HTT: variants seen among roughly 807,000 people sequenced by gnomAD.
The protein encoded by HTT is huntington disease protein.
In HTT, 104 loss-of-function variants were observed where a neutral mutation model predicts 362.3. That is an observed-to-expected ratio of 0.29 (90% confidence interval 0.24 to 0.34). HTT has a LOEUF of 0.34. Among genes scored for constraint, HTT ranks in the 10% least tolerant of loss-of-function variants. The pLI, the probability that HTT is intolerant of heterozygous loss-of-function variation, is 1.00. For synonymous variants in HTT, 1,577 were observed against 1,548.7 expected, an observed-to-expected ratio of 1.02 and a Z score of -0.43; for missense variants, 3,301 against 3,928.6, an observed-to-expected ratio of 0.84 and a Z score of 4.27.
chr4:3,137,423 C>T (rs1390574246), intron 21 of HTT, among the ~76,000 whole-genome samples: 3 of 151,978 alleles, frequency 2.0e-5, no homozygotes, highest in Non-Finnish European at 4.4e-5. Context: ...TTTGTGTTTT[C>T]GCCAGGCGCT....
chr4:3,172,188 CT>C, intron 29 of HTT, 131 bp from the exon 30 acceptor site: 1 of 675,844 alleles, frequency 1.5e-6, no homozygotes, highest in Non-Finnish European at 2.7e-6. Context: ...AAATTGAAAA[CT>C]TTCCTCTGAT....
At chr4:3,089,690 C>A (rs1223341597) in intron 2 of HTT, among the ~76,000 whole-genome samples, 4 of 152,196 alleles carry the variant, frequency 2.6e-5, no homozygotes, top group Non-Finnish European at 5.9e-5. Context: ...AGATCTCTTT[C>A]AATCTGAGTG....
chr4:3,147,400 G>A (rs3025845), intron 25 of HTT, among the ~76,000 whole-genome samples: 2,380 of 152,220 alleles, frequency 0.016, 65 homozygotes, highest in African/African-American at 0.055. Flanking sequence ...AGCACAACAC[G>A]GAGAGGGTGT....
At chr4:3,118,364 A>C (rs2110174626) in intron 8 of HTT, among the ~76,000 whole-genome samples, 1 of 152,340 alleles carries the variant, frequency 6.6e-6, no homozygotes, top group East Asian at 1.9e-4. Flanking sequence ...AAAGCAAATA[A>C]TTACTAAACC....
At position 3,154,307 on chromosome 4, in the gene HTT, T is replaced by C. The variant is rs1717041319; in HGVS notation, c.3513T>C (p.Ser1171=). 1 of 1,595,246 alleles carries C rather than the reference T, an allele frequency of 6.3e-7. No homozygotes were observed. Among genetic ancestry groups the C allele is most frequent in the Non-Finnish European group, 8.5e-7 (1 of 1,170,724 alleles). ...PGPAIKAALP[S]LTNPPSLSPI... ...TTCTATTTTAGGCAGCCTTGCCTTC[T>C]CTAACAAACCCCCCTTCTCTAAGTC... The change falls in exon 27 of 67, where the codon TCT becomes TCC. Residue 1171 remains serine, a synonymous_variant. Coordinates refer to ENST00000355072, the MANE Select transcript of HTT (RefSeq NM_001388492.1).
At chr4:3,101,725 G>A (rs562739150) in intron 3 of HTT, among the ~76,000 whole-genome samples, 173 of 152,296 alleles carry the variant, frequency 1.1e-3, no homozygotes, top group Non-Finnish European at 2.0e-3. Flanking sequence ...GCCTCCCTCA[G>A]GTAGGTTAGT....
Position 3,132,548 on chromosome 4 carries a change from A to AT in HTT, c.2237-11dup. The AT allele has an allele frequency of 2.5e-6, 4 of 1,610,438 alleles. No individual in the cohort carries two copies. The highest frequency in any genetic ancestry group is 3.4e-6 in the Non-Finnish European group (4 of 1,176,948). On this transcript the variant is annotated splice_polypyrimidine_tract_variant and intron_variant, in intron 16 of 66. Transcript: ENST00000355072. ...TAGGGAATTGTTCCATGGCTGAGCA[A>AT]TTTATCTCCACAGAGGAACAGTATG... is the stretch of plus-strand genomic sequence containing the variant.
rs1719844245 is a variant in HTT at position 3,206,157 on chromosome 4, G to A, written c.5719-339G>A. On this transcript the variant is annotated intron_variant, in intron 42 of 66. Transcript: ENST00000355072. The surrounding 1 kb of genome is among the most constrained non-coding windows in gnomAD (Gnocchi z 4.6). ...GTGGATGGGGTCATCCCAGCGCAAC[G>A]CTGCCCCTGCTACCTGCGGATCTCG... 6.6e-6 allele frequency among the ~76,000 whole-genome samples: 1 copy of A among 152,252 alleles called. No individual in the cohort carries two copies. Among genetic ancestry groups the A allele is most frequent in the Non-Finnish European group, 1.5e-5 (1 of 68,050 alleles).
intron 35 of HTT, 119 bp downstream of exon 35, chr4:3,178,565 T>C: frequency 1.2e-6 from 1 of 802,936 alleles, no homozygotes; most frequent in Admixed American, 2.2e-5. Flanking sequence ...AGGCTCTGCA[T>C]GTGTGTCTGT....
At position 3,131,310 on chromosome 4, in the gene HTT, G is replaced by A. The variant is rs1487889724; in HGVS notation, c.2011G>A (p.Gly671Arg). 1.2e-6 allele frequency: 2 copies of A among 1,613,824 alleles called. No individual in the cohort carries two copies. The highest frequency in any genetic ancestry group is 1.7e-6 in the Non-Finnish European group (2 of 1,179,780). The change falls in exon 15 of 67, where the codon GGA becomes AGA. Residue 671 changes from glycine (G) to arginine (R), a missense_variant. Around this residue, in one of 4 missense-constraint regions of HTT, gnomAD observed 2,316 missense variants for 2,658.5 expected, o/e 0.87. Coordinates refer to ENST00000355072, the MANE Select transcript of HTT (RefSeq NM_001388492.1). ...GCCTTGCCGCATCAAAGGTGACATT[G>A]GACAGTCCACTGATGATGACTCTGC... ...NKPCRIKGDI[G>R]QSTDDDSAPL...
At position 3,238,607 on chromosome 4, in the gene HTT, A is replaced by G. The variant is rs1031799833; in HGVS notation, c.9052A>G (p.Lys3018Glu). 2.5e-6 allele frequency: 4 copies of G among 1,602,194 alleles called. No individual in the cohort carries two copies. The highest frequency in any genetic ancestry group is 8.5e-7 in the Non-Finnish European group (1 of 1,174,266). Residue 3018 changes from lysine (K) to glutamate (E), a missense_variant and splice_region_variant, in exon 65 of 67, where the codon AAG becomes GAG. Transcript: ENST00000355072. The stretch of plus-strand genomic sequence containing the variant: ...CCAGTTCATGGCCACCGTGGTGTAT[A>G]AGGTGAGGTTGCATGTGGGATGGGG... ...YPQFMATVVY[K>E]VFQTLHSTGQ...
At chr4:3,225,781 T>C in intron 57 of HTT, 38 bp downstream of exon 57, 1 of 1,538,876 alleles carries the variant, frequency 6.5e-7, no homozygotes, top group Non-Finnish European at 8.9e-7. Context: ...CTCTGTCCGT[T>C]TCTGTCCTCA....
chr4:3,182,764 A>G (rs2110242886), intron 37 of HTT, among the ~76,000 whole-genome samples: 1 of 152,262 alleles, frequency 6.6e-6, no homozygotes, highest in Middle Eastern at 3.4e-3. Context: ...CTAACTCTAA[A>G]GCCCGAACCC....
rs559797499 is a variant in HTT, at chr4:3,229,389, A to G, written c.8109+380A>G. Among the ~76,000 whole-genome samples, 545 of 143,550 alleles carry G rather than the reference A, an allele frequency of 3.8e-3. 4 individuals are homozygous for G. The highest frequency in any genetic ancestry group is 0.013 in the African/African-American group (480 of 37,450). 94.2% of individuals were successfully genotyped at this position (143,550 alleles called of 152,430 possible). A position where few individuals can be genotyped will look rare whatever the true frequency, so the allele number is the denominator to read the frequency against. Reference sequence around the variant, plus strand: ...CAACACACACATGCCACGTGCACACACCCCACACACCACATGTATGTGCCA... The same window carrying G: ...CAACACACACATGCCACGTGCACACGCCCCACACACCACATGTATGTGCCA... On this transcript the variant is annotated intron_variant, in intron 59 of 66. Coordinates refer to ENST00000355072, the MANE Select transcript of HTT (RefSeq NM_001388492.1).
Position 3,131,777 on chromosome 4 carries a change from T to TA in HTT, c.2236+3dup. 2 of 1,611,100 alleles carry TA rather than the reference T, an allele frequency of 1.2e-6. No homozygotes were observed. Among genetic ancestry groups the TA allele is most frequent in the Non-Finnish European group, 1.7e-6 (2 of 1,178,738 alleles). On this transcript the variant is annotated splice_region_variant and intron_variant, in intron 16 of 66. Transcript: ENST00000355072. ...CTCTTGACACCACGGAATACCCTGGTATGTTAAAAGTTCACATCTTATTTT... is the reference window on the plus strand; with the variant it reads ...CTCTTGACACCACGGAATACCCTGGTAATGTTAAAAGTTCACATCTTATTTT...
At chr4:3,138,326 T>G (rs1460366864) in intron 21 of HTT, among the ~76,000 whole-genome samples, 1 of 152,184 alleles carries the variant, frequency 6.6e-6, no homozygotes, top group Admixed American at 6.5e-5. Flanking sequence ...TCTGAGATTT[T>G]AGTACACCTG....
chr4:3,098,758 C>T (rs1470392751), intron 2 of HTT, among the ~76,000 whole-genome samples: 2 of 152,094 alleles, frequency 1.3e-5, no homozygotes, highest in African/African-American at 2.4e-5. Context: ...TGGCCCATAC[C>T]GAAAGCAAGA....
At chr4:3,145,470 T>C (rs1716554019) in intron 24 of HTT, among the ~76,000 whole-genome samples, 1 of 152,196 alleles carries the variant, frequency 6.6e-6, no homozygotes, top group African/African-American at 2.4e-5. Context: ...GTCTTCAAGT[T>C]CATTTAAGGG....
At position 3,174,999 on chromosome 4, in the gene HTT, A is replaced by C. The variant is rs1718171913; in HGVS notation, c.4299A>C (p.Leu1433Phe). The change falls in exon 33 of 67, where the codon TTA becomes TTC. Residue 1433 changes from leucine to phenylalanine, a missense_variant. Physicochemically the swap from Leu to Phe is conservative, Grantham distance 22 (BLOSUM62 0). Coordinates refer to ENST00000355072, the MANE Select transcript of HTT (RefSeq NM_001388492.1). ...TTGAACCTCTTGTTATAAAAGCTTT[A>C]AAACAGTACACGACTACAACATGTG... Reference protein sequence around the residue: ...RLFEPLVIKALKQYTTTTCVQ... With the variant: ...RLFEPLVIKAFKQYTTTTCVQ... The C allele has an allele frequency of 3.1e-6, 5 of 1,612,192 alleles. No homozygotes were observed. Among genetic ancestry groups the C allele is most frequent in the Non-Finnish European group, 4.2e-6 (5 of 1,178,382 alleles).
Sources: gnomAD v4.1 joint callset for allele counts (sites outside exome capture counted in the v4.1 genomes callset) on GRCh38, gnomAD v4.1.1 for gene constraint, gnomAD v4.1.1 regional missense constraint, Gnocchi (gnomAD v3.1) non-coding constraint, MANE v1.5 for transcripts, NCBI Gene and HGNC (gene_info 2026-07-23, HGNC 2026-07-21) for gene names.